The following TRIM37 variants were observed in gnomAD, a reference collection of about 807,000 sequenced individuals.
TRIM37 encodes the protein tripartite motif containing 37.
A neutral mutation model predicts 129.8 loss-of-function variants in TRIM37; 80 were observed. The observed-to-expected ratio is 0.62, with a 90% CI of 0.51 to 0.74. The LOEUF (loss-of-function observed/expected upper bound fraction) is 0.74. Among genes scored for constraint, TRIM37 ranks in the 30% least tolerant of loss-of-function variants. The probability of loss-of-function intolerance (pLI) is 0.00; values close to 1 mark genes in which losing one functional copy is unlikely to be tolerated. For missense variants in TRIM37, 1,054 were observed against 1,176.5 expected, an observed-to-expected ratio of 0.90 and a Z score of 1.52; for synonymous variants, 389 against 387.1, an observed-to-expected ratio of 1.00 and a Z score of -0.06.
rs1391941072 is a variant in TRIM37 at position 59,031,901 on chromosome 17, G to A, written c.1943C>T (p.Pro648Leu). ...QPRPPASLLQ[P>L]TASYSRKDKD... ...TATCATTGTTATTATTTTACCTGTG[G>A]GCTGCAGAAGTGAAGCAGGTGGGCG... is the stretch of plus-strand genomic sequence containing the variant. The change falls in exon 18 of 24, where the codon CCC becomes CTC. Residue 648 changes from proline to leucine, a missense_variant. Around this residue, in one of 3 missense-constraint regions of TRIM37, gnomAD observed 752 missense variants for 870.8 expected, o/e 0.86. Transcript: ENST00000262294. 1 of 1,613,812 alleles carries A rather than the reference G, an allele frequency of 6.2e-7. No individual in the cohort carries two copies. The highest frequency in any genetic ancestry group is 1.7e-5 in the Admixed American group (1 of 59,966).
Position 59,104,354 on chromosome 17 carries a change from T to C in TRIM37, c.62A>G (p.Lys21Arg), listed in dbSNP as rs757493902. ...AGGACACAGGCGTGCATCCCGCAAT[T>C]TCTCCATACAAATGAAACATCGGAA... ...EVFRCFICME[K>R]LRDARLCPHC... Residue 21 changes from lysine (K) to arginine (R), a missense_variant, in exon 2 of 24, where the codon AAA becomes AGA. Lys to Arg is a conservative substitution (Grantham distance 26). Transcript: ENST00000262294. The C allele has an allele frequency of 1.2e-5, 20 of 1,614,068 alleles. No homozygotes were observed. The highest frequency in any genetic ancestry group is 1.7e-5 in the Non-Finnish European group (20 of 1,180,050).
intron 6 of TRIM37, 98 bp from the exon 7 acceptor site, chr17:59,079,975 GTAGT>G (rs2043129113): frequency 1.4e-6 from 2 of 1,385,014 alleles, no homozygotes; most frequent in Non-Finnish European, 2.0e-6. Context: ...TATGAAAAAG[GTAGT>G]TAGAGGAAGG....
intron 22 of TRIM37, among the ~76,000 whole-genome samples, chr17:59,005,074 T>C (rs905165788): frequency 2.0e-5 from 3 of 152,148 alleles, no homozygotes; most frequent in Non-Finnish European, 2.9e-5. Flanking sequence ...TTGTGGCCCT[T>C]CATGGAACTG....
At chr17:58,986,740 C>T (rs535390711) in intron 24 of TRIM37, among the ~76,000 whole-genome samples, 2 of 152,258 alleles carry the variant, frequency 1.3e-5, no homozygotes, top group South Asian at 4.1e-4. Context: ...AACACCTGAC[C>T]TCAAGTGATC....
At position 59,081,143 on chromosome 17, in the gene TRIM37, T is replaced by A. The variant is rs201217878; in HGVS notation, c.446A>T (p.Lys149Ile). 1 of 1,613,804 alleles carries A rather than the reference T, an allele frequency of 6.2e-7. No homozygotes were observed. Among genetic ancestry groups the A allele is most frequent in the Non-Finnish European group, 8.5e-7 (1 of 1,179,892 alleles). ...CAGTTCCATGAGACGCCGACGAAGT[T>A]TGGCTACCTCTTCATTCACTTTAGT... ...HVTKVNEEVAKLRRRLMELIS... is the reference protein window; with the variant it reads ...HVTKVNEEVAILRRRLMELIS... Residue 149 changes from lysine (K) to isoleucine (I), a missense_variant, in exon 6 of 24, where the codon AAA (lysine) becomes ATA (isoleucine). This residue lies in a region of TRIM37 where 752 missense variants were observed against 870.8 expected (regional missense o/e 0.86). Coordinates refer to ENST00000262294, the MANE Select transcript of TRIM37 (RefSeq NM_015294.6).
At chr17:59,046,323 G>C (rs982114994) in intron 16 of TRIM37, among the ~76,000 whole-genome samples, 4 of 152,070 alleles carry the variant, frequency 2.6e-5, no homozygotes, top group African/African-American at 9.7e-5. Context: ...CCTCAACTAA[G>C]TGATCAAAAT....
intron 24 of TRIM37, among the ~76,000 whole-genome samples, chr17:58,991,471 G>T (rs1451535878): frequency 6.6e-6 from 1 of 152,066 alleles, no homozygotes; most frequent in Non-Finnish European, 1.5e-5. Flanking sequence ...GGGAGGTGGA[G>T]GTTCCAGTGA....
rs778383295 is a variant in TRIM37 at position 59,062,640 on chromosome 17, C to G, written c.869G>C (p.Arg290Pro). The G allele has an allele frequency of 6.2e-7, 1 of 1,613,916 alleles. No homozygotes were observed. Among genetic ancestry groups the G allele is most frequent in the Non-Finnish European group, 8.5e-7 (1 of 1,179,906 alleles). Residue 290 changes from arginine (R) to proline (P), a missense_variant, in exon 11 of 24, where the codon CGT becomes CCT. Arg to Pro is a moderately radical substitution (Grantham distance 103). Around this residue, in one of 3 missense-constraint regions of TRIM37, gnomAD observed 752 missense variants for 870.8 expected, o/e 0.86. Coordinates refer to ENST00000262294, the MANE Select transcript of TRIM37 (RefSeq NM_015294.6). The stretch of plus-strand genomic sequence containing the variant: ...ACTGTAAACAGGATCTGCTCTCTGA[C>G]GCAAAGTGCTAACGAAAAAGAAAAC... ...TFVLENFSTL[R>P]QRADPVYSPP...
intron 19 of TRIM37, among the ~76,000 whole-genome samples, chr17:59,024,370 T>A (rs2036992234): frequency 6.6e-6 from 1 of 151,934 alleles, no homozygotes. Context: ...TATAATACAT[T>A]GAGAAATGAA....
At chr17:59,090,897 A>G (rs1048609999) in intron 3 of TRIM37, among the ~76,000 whole-genome samples, 1 of 152,144 alleles carries the variant, frequency 6.6e-6, no homozygotes, top group Non-Finnish European at 1.5e-5. Context: ...AAGTGCTGGG[A>G]TTACAGGTAT....
At chr17:58,978,613 A>G (rs972306766), downstream of TRIM37, among the ~76,000 whole-genome samples, 6 of 152,190 alleles carry the variant, frequency 3.9e-5, no homozygotes, top group African/African-American at 1.4e-4. Flanking sequence ...CCGGAGGCGG[A>G]GGCAGGAGAA....
chr17:59,031,755 T>A (rs1022015300), intron 18 of TRIM37, 141 bp downstream of exon 18: 190 of 871,906 alleles, frequency 2.2e-4, no homozygotes, highest in Non-Finnish European at 2.9e-4. Context: ...TTGGTTGACA[T>A]AAATGTCATT....
At chr17:59,008,107 T>G (rs367865344) in intron 22 of TRIM37, among the ~76,000 whole-genome samples, 4 of 152,254 alleles carry the variant, frequency 2.6e-5, no homozygotes, top group Non-Finnish European at 5.9e-5. Flanking sequence ...GAAACAAAGC[T>G]GATTACAGGA....
chr17:58,984,305 G>A (rs1376523577), intron 24 of TRIM37: 1 of 152,582 alleles, frequency 6.6e-6, no homozygotes, highest in African/African-American at 2.4e-5. Flanking sequence ...GAAACACTGT[G>A]CCAGTGAGAA....
chr17:58,975,759 C>T, the TRIM37 span, among the ~76,000 whole-genome samples: 2 of 152,230 alleles, frequency 1.3e-5, no homozygotes, highest in East Asian at 1.9e-4. Flanking sequence ...CAGGTGAATA[C>T]GCAGAGGGGC....
At chr17:59,100,965 T>A (rs1599587321) in intron 2 of TRIM37, among the ~76,000 whole-genome samples, 1 of 147,362 alleles carries the variant, frequency 6.8e-6, no homozygotes. Flanking sequence ...GAGGTTGCAG[T>A]GAGCGGAGAT....
chr17:59,019,032 C>T (rs1014446541), intron 19 of TRIM37, among the ~76,000 whole-genome samples: 1 of 152,122 alleles, frequency 6.6e-6, no homozygotes, highest in Non-Finnish European at 1.5e-5. Context: ...AAACCTGGAG[C>T]CCTCATATAC....
At chr17:58,985,966 C>A (rs946427238) in intron 24 of TRIM37, among the ~76,000 whole-genome samples, 1 of 152,114 alleles carries the variant, frequency 6.6e-6, no homozygotes, top group African/African-American at 2.4e-5. Flanking sequence ...GTAAGTGTTA[C>A]ACTTGAAAAA....
chr17:59,089,498 G>A (rs1207738088), intron 3 of TRIM37, among the ~76,000 whole-genome samples: 3 of 151,796 alleles, frequency 2.0e-5, no homozygotes, highest in Admixed American at 1.3e-4. Flanking sequence ...AAAATTAGCT[G>A]GGCGTGGTGG....
Sources: allele counts gnomAD v4.1 joint callset (sites outside exome capture counted in the v4.1 genomes callset), GRCh38; gene constraint gnomAD v4.1.1; regional missense constraint gnomAD v4.1.1; transcripts MANE v1.5; gene names NCBI Gene and HGNC (gene_info 2026-07-23, HGNC 2026-07-21).